The following SH3RF3 variants were observed in gnomAD, a reference collection of about 807,000 sequenced individuals.
SH3RF3 encodes E3 ubiquitin-protein ligase SH3RF3.
SH3RF3 carries 29 observed loss-of-function variants against 66.3 expected under a neutral mutation model. That is an observed-to-expected ratio of 0.44 (90% CI 0.33 to 0.60). The LOEUF (loss-of-function observed/expected upper bound fraction) is 0.60, where lower values mean the gene tolerates loss of function less well. Among genes scored for constraint, SH3RF3 ranks in the 20% least tolerant of loss-of-function variants. The pLI is 0.04. For synonymous variants in SH3RF3, 583 were observed against 532.0 expected (o/e 1.10, Z -1.32); for missense variants, 1,194 against 1,190.9 (o/e 1.00, Z -0.04).
chr2:109,220,756 G>T (rs2105145611), intron 1 of SH3RF3, among the ~76,000 whole-genome samples: 1 of 152,306 alleles, frequency 6.6e-6, no homozygotes, highest in East Asian at 1.9e-4. Context: ...TTTCCAAAAA[G>T]TAGAAGATAA....
chr2:109,170,119 A>T (rs1677725558), intron 1 of SH3RF3, among the ~76,000 whole-genome samples: 1 of 152,210 alleles, frequency 6.6e-6, no homozygotes, highest in Non-Finnish European at 1.5e-5. Flanking sequence ...TAGGCTATGA[A>T]GGTGTTTTAG....
chr2:109,208,993 C>T (rs369770064), intron 1 of SH3RF3, among the ~76,000 whole-genome samples: 13 of 152,310 alleles, frequency 8.5e-5, no homozygotes, highest in South Asian at 6.2e-4. Context: ...CACAGAGGCC[C>T]GACATCAACA....
rs368458672 is a variant in SH3RF3, at chr2:109,386,358, G to A, written c.946-12232G>A. 7.2e-5 allele frequency among the ~76,000 whole-genome samples: 11 copies of A among 152,124 alleles called. No individual in the cohort carries two copies. In the East Asian group the frequency reaches 1.4e-3, roughly 19 times the overall value. Reference sequence around the variant, plus strand: ...TGGAAGCAGCAGGGAAGGTCAGGCCGTACATGAAGCCAAAAGGACCAAACA... The same window carrying A: ...TGGAAGCAGCAGGGAAGGTCAGGCCATACATGAAGCCAAAAGGACCAAACA... On this transcript the variant is annotated intron_variant, in intron 3 of 9. Coordinates refer to ENST00000309415, the MANE Select transcript of SH3RF3 (RefSeq NM_001099289.3).
At chr2:109,180,243 C>T (rs189145285) in intron 1 of SH3RF3, among the ~76,000 whole-genome samples, 130 of 152,238 alleles carry the variant, frequency 8.5e-4, no homozygotes, top group South Asian at 5.4e-3. Flanking sequence ...GTCAGGGCTT[C>T]GGCCTCCTTC....
At chr2:109,193,805 A>C (rs1362609320) in intron 1 of SH3RF3, among the ~76,000 whole-genome samples, 1 of 152,210 alleles carries the variant, frequency 6.6e-6, no homozygotes, top group Non-Finnish European at 1.5e-5. Context: ...TTAGTGCCTT[A>C]GAAAGGGTGT....
intron 8 of SH3RF3, among the ~76,000 whole-genome samples, chr2:109,454,246 G>A (rs1399687885): frequency 1.3e-5 from 2 of 152,162 alleles, no homozygotes; most frequent in Admixed American, 6.5e-5. Flanking sequence ...GTCGTGGCTG[G>A]TATTTATAAT....
At chr2:109,430,321 C>T (rs1573245098) in intron 5 of SH3RF3, among the ~76,000 whole-genome samples, 1 of 152,206 alleles carries the variant, frequency 6.6e-6, no homozygotes, top group East Asian at 1.9e-4. Flanking sequence ...TCTCTGAGAG[C>T]AGGCACATCA....
intron 1 of SH3RF3, among the ~76,000 whole-genome samples, chr2:109,242,480 C>T (rs1679808165): frequency 6.6e-6 from 1 of 152,158 alleles, no homozygotes; most frequent in South Asian, 2.1e-4. Flanking sequence ...GCTGAGCCGC[C>T]CCAGTGACAC....
chr2:109,249,592 T>TC (rs1287451953), intron 1 of SH3RF3, among the ~76,000 whole-genome samples: 4 of 134,372 alleles, frequency 3.0e-5, no homozygotes, highest in African/African-American at 5.8e-5. Context: ...TCCTTTCCTT[T>TC]CTTTCTTTTT....
At chr2:109,285,965 A>C (rs1283624708) in intron 1 of SH3RF3, among the ~76,000 whole-genome samples, 1 of 152,124 alleles carries the variant, frequency 6.6e-6, no homozygotes, top group Non-Finnish European at 1.5e-5. Flanking sequence ...CTGAGGGTCC[A>C]TGGCCTGCAG....
intron 1 of SH3RF3, among the ~76,000 whole-genome samples, chr2:109,335,257 C>A (rs1233333162): frequency 6.6e-6 from 1 of 152,240 alleles, no homozygotes; most frequent in Admixed American, 6.5e-5. Context: ...CCTCGCCCGT[C>A]CCACACGAGA....
At chr2:109,241,117 G>GT (rs2105220068) in intron 1 of SH3RF3, among the ~76,000 whole-genome samples, 1 of 152,320 alleles carries the variant, frequency 6.6e-6, no homozygotes, top group African/African-American at 2.4e-5. Flanking sequence ...TCATTGTCTA[G>GT]TAAGTTAATA....
At chr2:109,323,536 A>C (rs1682077988) in intron 1 of SH3RF3, among the ~76,000 whole-genome samples, 1 of 152,226 alleles carries the variant, frequency 6.6e-6, no homozygotes, top group African/African-American at 2.4e-5. Flanking sequence ...TATTGTAGGT[A>C]GTGGTAGATG....
intron 1 of SH3RF3, among the ~76,000 whole-genome samples, chr2:109,194,788 A>G (rs2105036903): frequency 6.6e-6 from 1 of 152,356 alleles, no homozygotes; most frequent in South Asian, 2.1e-4. Context: ...TGTGGTTGTC[A>G]GGGCAACCAA....
At chr2:109,323,290 G>A (rs1030841396) in intron 1 of SH3RF3, among the ~76,000 whole-genome samples, 1 of 152,156 alleles carries the variant, frequency 6.6e-6, no homozygotes, top group East Asian at 1.9e-4. Context: ...CTGGCACAGG[G>A]GCAAGTGTCT....
At chr2:109,290,972 A>G (rs1681154301) in intron 1 of SH3RF3, among the ~76,000 whole-genome samples, 2 of 152,244 alleles carry the variant, frequency 1.3e-5, no homozygotes, top group Non-Finnish European at 2.9e-5. Context: ...TATGCCGGGT[A>G]CATAGTAGGT....
chr2:109,347,582 C>A, intron 1 of SH3RF3, 92 bp from the exon 2 acceptor site: 1 of 1,497,692 alleles, frequency 6.7e-7, no homozygotes, highest in Non-Finnish European at 9.0e-7. Context: ...ACACAGAAAG[C>A]CCCTGAGAAG....
chr2:109,218,597 A>T (rs1320918590), intron 1 of SH3RF3, among the ~76,000 whole-genome samples: 1 of 152,004 alleles, frequency 6.6e-6, no homozygotes, highest in African/African-American at 2.4e-5. Context: ...CAGCCTCATC[A>T]CCTCTCCTCT....
intron 3 of SH3RF3, among the ~76,000 whole-genome samples, chr2:109,375,438 G>A (rs1277341889): frequency 6.9e-6 from 1 of 144,578 alleles, no homozygotes; most frequent in Non-Finnish European, 1.5e-5. Context: ...GTGTCCACTC[G>A]GGCACAGAGA....
Sources: allele counts gnomAD v4.1 joint callset (sites outside exome capture counted in the v4.1 genomes callset), GRCh38; gene constraint gnomAD v4.1.1; transcripts MANE v1.5; gene names NCBI Gene and HGNC (gene_info 2026-07-23, HGNC 2026-07-21).